The following NT5DC1 variants were observed in gnomAD, a reference collection of about 807,000 sequenced individuals.
NT5DC1 encodes 5'-nucleotidase domain-containing protein 1.
NT5DC1 carries 42 observed loss-of-function variants against 59.4 expected under a neutral mutation model. That is an observed-to-expected ratio of 0.71 (90% CI 0.55 to 0.92). The LOEUF (loss-of-function observed/expected upper bound fraction) is 0.92, where lower values mean the gene tolerates loss of function less well. NT5DC1 is among the 40% of genes least tolerant of loss of function. The pLI, the probability that NT5DC1 is intolerant of heterozygous loss-of-function variation, is 0.00. For synonymous variants in NT5DC1, 172 were observed against 188.1 expected (o/e 0.91, Z 0.70); for missense variants, 501 against 537.1 (o/e 0.93, Z 0.66).
Position 116,244,057 on chromosome 6 carries a change from A to G in NT5DC1, c.*33A>G. On this transcript the variant is annotated 3_prime_UTR_variant, in exon 12 of 12. Coordinates refer to ENST00000319550, the MANE Select transcript of NT5DC1 (RefSeq NM_152729.3). ...TTACTGAAAAATGAAGTGAAGACCC[A>G]TATATGCAGTTAAAAAAAAGTTAAT... The G allele has an allele frequency of 1.2e-6, 1 of 820,488 alleles. No homozygotes were observed. The highest frequency in any genetic ancestry group is 1.7e-5 in the South Asian group (1 of 58,510). 50.8% of individuals were successfully genotyped at this position (820,488 alleles called of 1,614,324 possible).
intron 6 of NT5DC1, among the ~76,000 whole-genome samples, chr6:116,193,059 C>G (rs1249579409): frequency 6.6e-6 from 1 of 152,068 alleles, no homozygotes; most frequent in African/African-American, 2.4e-5. Flanking sequence ...TAAAGCTGTA[C>G]AGAATAGCTC....
At chr6:116,217,313 C>T (rs1781705421) in intron 6 of NT5DC1, among the ~76,000 whole-genome samples, 1 of 152,052 alleles carries the variant, frequency 6.6e-6, no homozygotes, top group African/African-American at 2.4e-5. Flanking sequence ...CATAGGAGAG[C>T]TAAACTTTTA....
chr6:116,142,235 A>C (rs748707204), intron 6 of NT5DC1, among the ~76,000 whole-genome samples: 4 of 152,056 alleles, frequency 2.6e-5, no homozygotes, highest in Non-Finnish European at 5.9e-5. Context: ...TAGTAATTTA[A>C]TTGTAAAAGA....
In NT5DC1 at chr6:116,115,740, G is replaced by C; in HGVS notation, c.414G>C (p.Leu138=). The change falls in exon 5 of 12, where the codon CTG becomes CTC. Residue 138 remains leucine, a synonymous_variant. Coordinates refer to ENST00000319550, the MANE Select transcript of NT5DC1 (RefSeq NM_152729.3). ...DNYFDLPGAL[L]CARVVDYLTK... ...ACTTTGACCTGCCAGGAGCTCTTCT[G>C]TGTGCCAGGGTGGTGGACTATTTAA... 1 of 1,601,806 alleles carries C rather than the reference G, an allele frequency of 6.2e-7. No individual in the cohort carries two copies. Among genetic ancestry groups the C allele is most frequent in the Non-Finnish European group, 8.6e-7 (1 of 1,168,926 alleles).
intron 8 of NT5DC1, among the ~76,000 whole-genome samples, chr6:116,230,261 A>G (rs1781992820): frequency 6.6e-6 from 1 of 152,200 alleles, no homozygotes; most frequent in African/African-American, 2.4e-5. Context: ...AGGCACAAAT[A>G]TATTTAATCA....
At chr6:116,106,565 GT>G (rs1349037925) in intron 2 of NT5DC1, among the ~76,000 whole-genome samples, 5 of 152,194 alleles carry the variant, frequency 3.3e-5, no homozygotes, top group African/African-American at 1.2e-4. Flanking sequence ...TAAGCTAAGA[GT>G]TTATGTGACT....
chr6:116,141,013 C>T (rs1779752181), intron 6 of NT5DC1, among the ~76,000 whole-genome samples: 1 of 152,142 alleles, frequency 6.6e-6, no homozygotes, highest in Non-Finnish European at 1.5e-5. Flanking sequence ...TTTTCTGCTT[C>T]ACTGGCTAAT....
At chr6:116,115,554 T>C (rs955039261) in intron 4 of NT5DC1, 137 bp from the exon 5 acceptor site, 5 of 432,590 alleles carry the variant, frequency 1.2e-5, no homozygotes, top group Non-Finnish European at 2.1e-5. Flanking sequence ...CAGCCAATAA[T>C]GGTGCCACTT....
chr6:116,153,283 C>G (rs1165486527), intron 6 of NT5DC1, among the ~76,000 whole-genome samples: 16 of 151,898 alleles, frequency 1.1e-4, no homozygotes. Flanking sequence ...CATAAAAGAT[C>G]AGAGTATTTT....
chr6:116,151,683 A>G (rs1780042998), intron 6 of NT5DC1, among the ~76,000 whole-genome samples: 1 of 152,186 alleles, frequency 6.6e-6, no homozygotes, highest in African/African-American at 2.4e-5. Context: ...TAGAAACCAT[A>G]ATTTTATATT....
intron 6 of NT5DC1, among the ~76,000 whole-genome samples, chr6:116,203,975 A>G (rs916726911): frequency 1.4e-4 from 21 of 152,000 alleles, no homozygotes; most frequent in African/African-American, 5.1e-4. Flanking sequence ...TGACACACAC[A>G]CGGTGATCAT....
chr6:116,184,910 C>T (rs1780963103), intron 6 of NT5DC1, among the ~76,000 whole-genome samples: 1 of 151,536 alleles, frequency 6.6e-6, no homozygotes, highest in Admixed American at 6.6e-5. Flanking sequence ...TTCTTTTCTT[C>T]TGCTGGGTTT....
At chr6:116,156,143 T>G (rs1780187509) in intron 6 of NT5DC1, among the ~76,000 whole-genome samples, 1 of 152,174 alleles carries the variant, frequency 6.6e-6, no homozygotes, top group Non-Finnish European at 1.5e-5. Flanking sequence ...ATATCTTCAG[T>G]CTCCTGTTCC....
At chr6:116,157,328 G>C (rs1008204815) in intron 6 of NT5DC1, among the ~76,000 whole-genome samples, 13 of 152,224 alleles carry the variant, frequency 8.5e-5, no homozygotes, top group African/African-American at 3.1e-4. Flanking sequence ...AACTTGGTTA[G>C]TGGAACCCTA....
intron 6 of NT5DC1, among the ~76,000 whole-genome samples, chr6:116,202,840 G>A (rs1781375380): frequency 6.6e-6 from 1 of 152,030 alleles, no homozygotes; most frequent in Admixed American, 6.6e-5. Flanking sequence ...AAAAGTGACA[G>A]TTCTTAATTA....
chr6:116,156,152 C>G (rs2114412216), intron 6 of NT5DC1, among the ~76,000 whole-genome samples: 1 of 152,232 alleles, frequency 6.6e-6, no homozygotes, highest in African/African-American at 2.4e-5. Flanking sequence ...GTCTCCTGTT[C>G]CCCATCATCT....
At position 116,121,154 on chromosome 6, in the gene NT5DC1, G is replaced by A. The variant is rs762159490; in HGVS notation, c.529+3209G>A. 9.9e-6 allele frequency: 16 copies of A among 1,613,020 alleles called. No individual in the cohort carries two copies. The highest frequency in any genetic ancestry group is 1.7e-4 in the Middle Eastern group (1 of 6,058). On this transcript the variant is annotated intron_variant, in intron 6 of 11. Transcript: ENST00000319550. ...ACCTGCTGGCCCTTGTTCCCCTTTGGCACCTGGACCCCCAGGAAGGCCAGC... is the reference window on the plus strand; with the variant it reads ...ACCTGCTGGCCCTTGTTCCCCTTTGACACCTGGACCCCCAGGAAGGCCAGC...
At chr6:116,199,999 T>C (rs1204844) in intron 6 of NT5DC1, among the ~76,000 whole-genome samples, 55 of 115,454 alleles carry the variant, frequency 4.8e-4, no homozygotes, top group South Asian at 1.8e-3. Flanking sequence ...GTATGGAAAG[T>C]GGGGGGGGAA....
chr6:116,112,610 A>G (rs1778901239), intron 4 of NT5DC1, among the ~76,000 whole-genome samples: 1 of 152,206 alleles, frequency 6.6e-6, no homozygotes, highest in Admixed American at 6.5e-5. Flanking sequence ...AAATGCTGGG[A>G]TGCTCTGCAA....
Sources: allele counts gnomAD v4.1 joint callset (sites outside exome capture counted in the v4.1 genomes callset), GRCh38; gene constraint gnomAD v4.1.1; transcripts MANE v1.5; gene names NCBI Gene and HGNC (gene_info 2026-07-23, HGNC 2026-07-21).